The following CAMK1D variants were observed in gnomAD, a reference collection of about 807,000 sequenced individuals.
CAMK1D encodes calcium/calmodulin dependent protein kinase ID, also known as calcium/calmodulin-dependent protein kinase type 1D.
A neutral mutation model predicts 47.7 loss-of-function variants in CAMK1D; 9 were observed. The ratio of observed to expected loss-of-function variants is 0.19; its 90% CI spans 0.11 to 0.33. The LOEUF (loss-of-function observed/expected upper bound fraction) is 0.33. Ranked by LOEUF, CAMK1D falls within the 10% of genes least tolerant of loss-of-function variation. The pLI, the probability that CAMK1D is intolerant of heterozygous loss-of-function variation, is 1.00. For missense variants in CAMK1D, 291 were observed against 488.7 expected, an observed-to-expected ratio of 0.60 and a Z score of 3.81; for synonymous variants, 184 against 184.9, an observed-to-expected ratio of 0.99 and a Z score of 0.04.
At chr10:12,421,269 G>T (rs1840038702) in intron 1 of CAMK1D, among the ~76,000 whole-genome samples, 1 of 152,162 alleles carries the variant, frequency 6.6e-6, no homozygotes, top group African/African-American at 2.4e-5. Context: ...ACTGTGCAGA[G>T]AAAAATCCTA....
intron 3 of CAMK1D, among the ~76,000 whole-genome samples, chr10:12,686,557 C>A (rs981622352): frequency 1.2e-4 from 18 of 152,186 alleles, no homozygotes; most frequent in African/African-American, 4.1e-4. Context: ...CTCCTGACCT[C>A]AAATGATCCA....
chr10:12,696,301 C>T (rs967413825), intron 3 of CAMK1D, among the ~76,000 whole-genome samples: 1 of 151,986 alleles, frequency 6.6e-6, no homozygotes, highest in African/African-American at 2.4e-5. Flanking sequence ...CTTTGAGAGG[C>T]CGAGGTGGGA....
intron 2 of CAMK1D, among the ~76,000 whole-genome samples, chr10:12,593,834 T>A (rs1185808915): frequency 6.6e-6 from 1 of 152,202 alleles, no homozygotes; most frequent in Non-Finnish European, 1.5e-5. Context: ...TGTCTGCCCT[T>A]GGTCAGGCAG....
chr10:12,555,121 A>C (rs1333041572), intron 2 of CAMK1D, among the ~76,000 whole-genome samples: 1 of 152,244 alleles, frequency 6.6e-6, no homozygotes, highest in Non-Finnish European at 1.5e-5. Context: ...GAATCTCTGT[A>C]CAGATAAGCA....
chr10:12,788,383 T>A (rs2482047), intron 5 of CAMK1D, among the ~76,000 whole-genome samples: 150,707 of 152,326 alleles, frequency 0.99, 74,577 homozygotes, highest in Middle Eastern at 1. Context: ...TGGCCAGGCC[T>A]GGCTGCTGCG....
In CAMK1D at chr10:12,393,027, CT is replaced by C. The variant is rs542625511; in HGVS notation, c.92+43132del. ...TGTCATGAATGGATCTGAAACATAA[CT>C]TTTTTTTTTTTTTTCTTTTTTGAGA... On this transcript the variant is annotated intron_variant, in intron 1 of 10. Transcript: ENST00000619168. 9.5e-3 allele frequency among the ~76,000 whole-genome samples: 1,362 copies of C among 143,748 alleles called. 5 individuals are homozygous for C. The highest frequency in any genetic ancestry group is 0.017 in the African/African-American group (672 of 39,238). 94.3% of individuals were successfully genotyped at this position (143,748 alleles called of 152,430 possible).
At chr10:12,427,038 T>A (rs1564333264) in intron 1 of CAMK1D, among the ~76,000 whole-genome samples, 1 of 151,872 alleles carries the variant, frequency 6.6e-6, no homozygotes, top group Admixed American at 6.6e-5. Flanking sequence ...TTTAAAGAAA[T>A]GAGGTCTCCC....
chr10:12,817,319 C>T (rs1207058683), intron 8 of CAMK1D, among the ~76,000 whole-genome samples: 2 of 152,166 alleles, frequency 1.3e-5, no homozygotes, highest in East Asian at 3.8e-4. Context: ...GAATTTTATT[C>T]CTTGAGTTTA....
At chr10:12,786,691 G>A (rs780315695) in intron 5 of CAMK1D, among the ~76,000 whole-genome samples, 11 of 152,158 alleles carry the variant, frequency 7.2e-5, no homozygotes, top group Admixed American at 2.6e-4. Flanking sequence ...CCAAAATGCT[G>A]GATTATAGGC....
At chr10:12,695,612 G>A (rs1251509539) in intron 3 of CAMK1D, among the ~76,000 whole-genome samples, 1 of 152,194 alleles carries the variant, frequency 6.6e-6, no homozygotes, top group East Asian at 1.9e-4. Context: ...ACTGTGGGAT[G>A]CAGTGCCGTG....
At chr10:12,828,716 G>A (rs1276669136) in intron 10 of CAMK1D, 53 bp from the exon 11 acceptor site, 5 of 1,456,784 alleles carry the variant, frequency 3.4e-6, no homozygotes, top group African/African-American at 2.8e-5. Context: ...GTGGGAAGCA[G>A]GGTGAGAATT....
chr10:12,753,760 G>A (rs1238978320), intron 3 of CAMK1D, among the ~76,000 whole-genome samples: 1 of 152,204 alleles, frequency 6.6e-6, no homozygotes, highest in East Asian at 1.9e-4. Context: ...CTCATGGCCT[G>A]TATTCTCCGA....
chr10:12,827,358 CT>C (rs1338236797), intron 10 of CAMK1D, among the ~76,000 whole-genome samples: 6 of 48,738 alleles, frequency 1.2e-4, no homozygotes, highest in Non-Finnish European at 1.4e-4. Flanking sequence ...TTCTTCCTTT[CT>C]TTCTTTCTCT....
At chr10:12,367,790 C>T (rs1837882207) in intron 1 of CAMK1D, among the ~76,000 whole-genome samples, 2 of 152,162 alleles carry the variant, frequency 1.3e-5, no homozygotes, top group Non-Finnish European at 2.9e-5. Context: ...ACTGATGAAG[C>T]TTTGCTTGGT....
At chr10:12,489,361 G>T (rs951640227) in intron 1 of CAMK1D, among the ~76,000 whole-genome samples, 1 of 152,176 alleles carries the variant, frequency 6.6e-6, no homozygotes, top group African/African-American at 2.4e-5. Flanking sequence ...GTGAGCCCCT[G>T]AAGCCAGGCA....
At chr10:12,733,683 A>C (rs1834999377) in intron 3 of CAMK1D, among the ~76,000 whole-genome samples, 1 of 152,192 alleles carries the variant, frequency 6.6e-6, no homozygotes, top group East Asian at 1.9e-4. Flanking sequence ...AATTTCATTT[A>C]TGTTATGCCA....
chr10:12,570,027 G>A (rs1055053442), intron 2 of CAMK1D, among the ~76,000 whole-genome samples: 5 of 151,544 alleles, frequency 3.3e-5, no homozygotes, highest in Admixed American at 1.3e-4. Flanking sequence ...TGGTGAAACC[G>A]CATCTCAACT....
chr10:12,576,537 G>A (rs1380206664), intron 2 of CAMK1D, among the ~76,000 whole-genome samples: 1 of 152,164 alleles, frequency 6.6e-6, no homozygotes, highest in African/African-American at 2.4e-5. Flanking sequence ...TGGGAGCCCT[G>A]AGCTTGTTTT....
At chr10:12,810,953 C>T (rs1277151075) in intron 6 of CAMK1D, among the ~76,000 whole-genome samples, 2 of 152,234 alleles carry the variant, frequency 1.3e-5, no homozygotes, top group Non-Finnish European at 2.9e-5. Flanking sequence ...GCTGTGAGCA[C>T]CTCTAGACCC....
Sources: allele counts gnomAD v4.1 joint callset (sites outside exome capture counted in the v4.1 genomes callset), GRCh38; gene constraint gnomAD v4.1.1; transcripts MANE v1.5; gene names NCBI Gene and HGNC (gene_info 2026-07-23, HGNC 2026-07-21).